Variants in KCNIP3 observed in about 807,000 individuals in gnomAD.
KCNIP3 encodes calsenilin.
In KCNIP3, 28 loss-of-function variants were observed where a neutral mutation model predicts 35.0. That is an observed-to-expected ratio of 0.80 (90% CI 0.59 to 1.10). The LOEUF is 1.10. KCNIP3 is among the 50% of genes least tolerant of loss of function. The pLI, the probability that KCNIP3 is intolerant of heterozygous loss-of-function variation, is 0.00. For missense variants in KCNIP3, 295 were observed against 338.4 expected (o/e 0.87, Z 1.01); for synonymous variants, 134 against 133.8 (o/e 1.00, Z -0.01).
At chr2:95,308,879 G>A (rs574647377) in intron 1 of KCNIP3, among the ~76,000 whole-genome samples, 2 of 152,168 alleles carry the variant, frequency 1.3e-5, no homozygotes, top group South Asian at 4.1e-4. Context: ...GCTGCTTGAC[G>A]GCCCCGTCCA....
chr2:95,343,863 G>A (rs1313280073), intron 2 of KCNIP3, among the ~76,000 whole-genome samples: 1 of 152,132 alleles, frequency 6.6e-6, no homozygotes, highest in Non-Finnish European at 1.5e-5. Flanking sequence ...CAGGTGTGGG[G>A]TGCCTGTCCA....
intron 2 of KCNIP3, among the ~76,000 whole-genome samples, chr2:95,325,704 T>C (rs554537213): frequency 9.0e-5 from 13 of 143,666 alleles, no homozygotes; most frequent in East Asian, 8.5e-4. Context: ...CACTCATACA[T>C]ACACACAGTC....
In KCNIP3 at chr2:95,378,821, C is replaced by CAT. The variant is rs1301428904; in HGVS notation, c.448-2769_448-2768dup. Among the ~76,000 whole-genome samples the CAT allele has an allele frequency of 4.0e-5, 6 of 150,544 alleles. No individual in the cohort carries two copies. Among genetic ancestry groups the CAT allele is most frequent in the Admixed American group, 2.7e-4 (4 of 15,080 alleles). Reference sequence around the variant, plus strand: ...ATATATATATATACACACACACACACATATATACACACATATTTATATACA... The same window carrying CAT: ...ATATATATATATACACACACACACACATATATATACACACATATTTATATACA... On this transcript the variant is annotated intron_variant, in intron 5 of 8. Coordinates refer to ENST00000295225, the MANE Select transcript of KCNIP3 (RefSeq NM_013434.5). The surrounding 1 kb of genome is among the most constrained non-coding windows in gnomAD (Gnocchi z 4.0).
chr2:95,325,226 G>C (rs577861337), intron 2 of KCNIP3, among the ~76,000 whole-genome samples: 1 of 152,198 alleles, frequency 6.6e-6, no homozygotes, highest in East Asian at 1.9e-4. Context: ...GCTTGGGCCT[G>C]GGCCTGAGCA....
At chr2:95,348,436 C>T (rs914827184) in intron 2 of KCNIP3, among the ~76,000 whole-genome samples, 34 of 152,186 alleles carry the variant, frequency 2.2e-4, no homozygotes, top group African/African-American at 8.0e-4. Flanking sequence ...TTTTCTTTCC[C>T]CATCTGGAGC....
Position 95,384,270 on chromosome 2 carries a change from G to A in KCNIP3, c.*221G>A, listed in dbSNP as rs1252788402. On this transcript the variant is annotated 3_prime_UTR_variant, in exon 9 of 9. Transcript: ENST00000295225. Reference sequence around the variant, plus strand: ...GAGGGGCTGAGTCTGGCTAGGGGCCGAGTCCAGGAGCCCCAGCCAGCCCTT... The same window carrying A: ...GAGGGGCTGAGTCTGGCTAGGGGCCAAGTCCAGGAGCCCCAGCCAGCCCTT... 2.5e-5 allele frequency: 14 copies of A among 561,822 alleles called. No homozygotes were observed. Among genetic ancestry groups the A allele is most frequent in the Admixed American group, 1.5e-4 (5 of 33,256 alleles). 34.8% of individuals were successfully genotyped at this position (561,822 alleles called of 1,614,324 possible). A position where few individuals can be genotyped will look rare whatever the true frequency, so the allele number is the denominator to read the frequency against.
intron 2 of KCNIP3, among the ~76,000 whole-genome samples, chr2:95,338,939 T>C (rs1351814055): frequency 5.3e-5 from 8 of 152,218 alleles, no homozygotes; most frequent in Non-Finnish European, 1.5e-5. Context: ...AAAGGCTTCA[T>C]AAGTGCTTGC....
chr2:95,310,375 C>A lies in KCNIP3; in HGVS notation c.36C>A (p.Asp12Glu), dbSNP rs562908083. ...QPAKEVTKASDGSLLGDLGHT... is the reference protein window; with the variant it reads ...QPAKEVTKASEGSLLGDLGHT... ...TGCAGGAAGTGACAAAGGCGTCGGA[C>A]GGCAGCCTCCTGGGGGACCTCGGGC... The change falls in exon 2 of 9, where the codon GAC becomes GAA. Residue 12 changes from aspartate (D) to glutamate (E), a missense_variant. Physicochemically the swap from Asp to Glu is conservative, Grantham distance 45. Coordinates refer to ENST00000295225, the MANE Select transcript of KCNIP3 (RefSeq NM_013434.5). The A allele has an allele frequency of 8.1e-6, 13 of 1,611,496 alleles. No individual in the cohort carries two copies. The highest frequency in any genetic ancestry group is 1.1e-5 in the Non-Finnish European group (13 of 1,178,316).
chr2:95,372,138 G>A (rs1421143002), intron 2 of KCNIP3, among the ~76,000 whole-genome samples: 1 of 152,140 alleles, frequency 6.6e-6, no homozygotes, highest in African/African-American at 2.4e-5. Flanking sequence ...TATCCCTCTT[G>A]TAAACAGGAT....
intron 1 of KCNIP3, among the ~76,000 whole-genome samples, chr2:95,302,168 C>T (rs1314649905): frequency 2.0e-5 from 3 of 151,970 alleles, no homozygotes; most frequent in African/African-American, 7.2e-5. Flanking sequence ...CCAGTCTGCA[C>T]CGCAGCAGCC....
At position 95,310,632 on chromosome 2, in the gene KCNIP3, G is replaced by A. The variant is rs60961043; in HGVS notation, c.181+112G>A. 1.3e-5 allele frequency: 15 copies of A among 1,164,650 alleles called. No homozygotes were observed. In the Middle Eastern group the frequency reaches 5.7e-4, roughly 44 times the overall value. The allele number at this position is 1,164,650 out of a possible 1,614,324, so 72.1% of individuals were successfully genotyped here. A position where few individuals can be genotyped will look rare whatever the true frequency, so the allele number is the denominator to read the frequency against. On this transcript the variant is annotated intron_variant, in intron 2 of 8. Transcript: ENST00000295225. ...CTGGGACCCCAGCCTGGGCTACATC[G>A]CCCCTGTCTCTATTGGAGGTGTGTT...
intron 2 of KCNIP3, among the ~76,000 whole-genome samples, chr2:95,361,389 C>T (rs1484053646): frequency 2.6e-5 from 4 of 152,234 alleles, no homozygotes; most frequent in African/African-American, 9.6e-5. Context: ...ATTCTCTTCA[C>T]GTCACTGTGA....
At chr2:95,366,275 C>T (rs1376955279) in intron 2 of KCNIP3, among the ~76,000 whole-genome samples, 1 of 152,226 alleles carries the variant, frequency 6.6e-6, no homozygotes, top group Non-Finnish European at 1.5e-5. Flanking sequence ...CTTTTCCAGA[C>T]TGTCCCATGG....
intron 2 of KCNIP3, among the ~76,000 whole-genome samples, chr2:95,322,507 C>T (rs576707228): frequency 1.3e-5 from 2 of 152,304 alleles, no homozygotes; most frequent in Admixed American, 1.3e-4. Context: ...TCTCAGTCTC[C>T]TCATCCATCA....
intron 2 of KCNIP3, among the ~76,000 whole-genome samples, chr2:95,336,749 G>T (rs1679069395): frequency 6.6e-6 from 1 of 152,188 alleles, no homozygotes. Context: ...CTTTGTTAGG[G>T]AGGGTCTGTT....
chr2:95,360,743 C>CAG (rs368201007), intron 2 of KCNIP3, among the ~76,000 whole-genome samples: 9 of 150,772 alleles, frequency 6.0e-5, no homozygotes, highest in Admixed American at 2.6e-4. Flanking sequence ...GACAGACAGA[C>CAG]AGAGAGAGAG....
At chr2:95,306,988 G>A (rs1487733754) in intron 1 of KCNIP3, among the ~76,000 whole-genome samples, 3 of 152,220 alleles carry the variant, frequency 2.0e-5, no homozygotes, top group East Asian at 1.9e-4. Context: ...GGCCCAGGCC[G>A]CAGCCTGATG....
intron 2 of KCNIP3, among the ~76,000 whole-genome samples, chr2:95,335,316 C>T (rs980413587): frequency 2.0e-5 from 3 of 152,110 alleles, no homozygotes; most frequent in Admixed American, 2.0e-4. Flanking sequence ...CTTAATTTAC[C>T]CTTCATTTTT....
At position 95,382,507 on chromosome 2, in the gene KCNIP3, G is replaced by A. The variant is rs1243309680; in HGVS notation, c.660+26G>A. Reference sequence around the variant, plus strand: ...GTGAGCGAGCGCCAGCCCTGCCTAGGGAGGGGAGCCTGGCAGAGGAAGGGG... The same window carrying A: ...GTGAGCGAGCGCCAGCCCTGCCTAGAGAGGGGAGCCTGGCAGAGGAAGGGG... On this transcript the variant is annotated intron_variant, in intron 7 of 8. Transcript: ENST00000295225. This position sits in a 1 kb window ranked among gnomAD's most constrained non-coding sequence, Gnocchi z 4.5. 1 of 1,539,030 alleles carries A rather than the reference G, an allele frequency of 6.5e-7. No individual in the cohort carries two copies. The highest frequency in any genetic ancestry group is 2.3e-5 in the East Asian group (1 of 43,344).
Sources: gnomAD v4.1 joint callset for allele counts (sites outside exome capture counted in the v4.1 genomes callset) on GRCh38, gnomAD v4.1.1 for gene constraint, Gnocchi (gnomAD v3.1) non-coding constraint, MANE v1.5 for transcripts, NCBI Gene and HGNC (gene_info 2026-07-23, HGNC 2026-07-21) for gene names.